KCNH7: variants seen among roughly 807,000 people sequenced by gnomAD.
The protein encoded by KCNH7 is potassium voltage-gated channel subfamily H member 7, also known as voltage-gated inwardly rectifying potassium channel KCNH7.
KCNH7 carries 49 observed loss-of-function variants against 120.8 expected under a neutral mutation model. The ratio of observed to expected loss-of-function variants is 0.41; its 90% CI spans 0.32 to 0.51. KCNH7 has a LOEUF of 0.51. Among genes scored for constraint, KCNH7 ranks in the 20% least tolerant of loss-of-function variants. The pLI is 0.38. For missense variants in KCNH7, 1,097 were observed against 1,446.6 expected (o/e 0.76, Z 3.92); for synonymous variants, 547 against 516.1 (o/e 1.06, Z -0.81).
chr2:162,718,040 C>G (rs992347214), intron 2 of KCNH7, among the ~76,000 whole-genome samples: 1 of 148,808 alleles, frequency 6.7e-6, no homozygotes, highest in Non-Finnish European at 1.5e-5. Context: ...CTCTCTCCCT[C>G]TCTCTCTCTT....
intron 15 of KCNH7, among the ~76,000 whole-genome samples, chr2:162,372,380 GAATTA>G (rs1444552377): frequency 6.6e-6 from 1 of 152,036 alleles, no homozygotes; most frequent in Admixed American, 6.6e-5. Flanking sequence ...TTTTCCAGAT[GAATTA>G]AATTCGAAAT....
intron 2 of KCNH7, among the ~76,000 whole-genome samples, chr2:162,571,214 A>G (rs1693461660): frequency 2.0e-5 from 3 of 152,122 alleles, no homozygotes; most frequent in Middle Eastern, 3.4e-3. Context: ...ATACAAAATC[A>G]ATGTACAAAA....
chr2:162,417,643 G>A (rs990634469), intron 9 of KCNH7, among the ~76,000 whole-genome samples: 4 of 152,092 alleles, frequency 2.6e-5, no homozygotes, highest in African/African-American at 9.7e-5. Flanking sequence ...AGGGCATACT[G>A]TCATTATTTT....
At chr2:162,516,437 C>A (rs1204142001) in intron 4 of KCNH7, among the ~76,000 whole-genome samples, 2 of 151,528 alleles carry the variant, frequency 1.3e-5, no homozygotes, top group Admixed American at 1.3e-4. Context: ...CAAGAAAACA[C>A]GTGTTACATT....
At chr2:162,422,929 C>T (rs1372633848) in intron 9 of KCNH7, among the ~76,000 whole-genome samples, 1 of 152,108 alleles carries the variant, frequency 6.6e-6, no homozygotes, top group Admixed American at 6.5e-5. Context: ...AGTGTGTTAA[C>T]CTGGGATCTC....
At chr2:162,431,029 A>G (rs548084960) in intron 8 of KCNH7, among the ~76,000 whole-genome samples, 1 of 152,150 alleles carries the variant, frequency 6.6e-6, no homozygotes, top group Non-Finnish European at 1.5e-5. Flanking sequence ...TTATCTGGTT[A>G]CTGTACTCTG....
At chr2:162,630,703 A>G (rs1201603994) in intron 2 of KCNH7, among the ~76,000 whole-genome samples, 1 of 152,114 alleles carries the variant, frequency 6.6e-6, no homozygotes. Context: ...CAGATTAGCA[A>G]TATTAATGTA....
intron 2 of KCNH7, among the ~76,000 whole-genome samples, chr2:162,752,504 T>C (rs1688586989): frequency 6.6e-6 from 1 of 152,144 alleles, no homozygotes; most frequent in Non-Finnish European, 1.5e-5. Context: ...TCAATTCATT[T>C]CCTATGAATT....
chr2:162,434,928 T>C (rs1450295962), intron 8 of KCNH7, among the ~76,000 whole-genome samples: 2 of 152,068 alleles, frequency 1.3e-5, no homozygotes, highest in African/African-American at 2.4e-5. Context: ...ACTCTTTGTA[T>C]AGCAGTAAAA....
intron 9 of KCNH7, among the ~76,000 whole-genome samples, chr2:162,416,435 T>C (rs1687544124): frequency 6.6e-6 from 1 of 151,906 alleles, no homozygotes; most frequent in Admixed American, 6.6e-5. Context: ...AGTTAGGCTC[T>C]GGGCTAAATC....
chr2:162,385,796 C>T (rs1686554945), intron 12 of KCNH7, among the ~76,000 whole-genome samples: 1 of 151,816 alleles, frequency 6.6e-6, no homozygotes, highest in South Asian at 2.1e-4. Context: ...CCACTCTACG[C>T]CTCAGTGTGC....
intron 9 of KCNH7, among the ~76,000 whole-genome samples, chr2:162,403,741 A>T (rs968185702): frequency 6.6e-6 from 1 of 151,962 alleles, no homozygotes; most frequent in Non-Finnish European, 1.5e-5. Context: ...CACATAGATC[A>T]CTGAAGTAAA....
chr2:162,489,465 G>A (rs991046866), intron 6 of KCNH7, among the ~76,000 whole-genome samples: 2 of 152,136 alleles, frequency 1.3e-5, no homozygotes, highest in Admixed American at 6.5e-5. Context: ...CCCACATGCA[G>A]CTCACGGGCT....
At chr2:162,752,908 G>GAAAAGAAAAGAAAAGAAAAGAAAAC (rs1559116078) in intron 2 of KCNH7, among the ~76,000 whole-genome samples, 1 of 35,968 alleles carries the variant, frequency 2.8e-5, no homozygotes, top group African/African-American at 1.3e-4. Flanking sequence ...CTCAGAAAAA[G>GAAAAGAAAAGAAAAGAAAAGAAAAC]AAAAGAAAAG....
At chr2:162,438,604 G>A (rs1278395033) in intron 7 of KCNH7, among the ~76,000 whole-genome samples, 1 of 152,102 alleles carries the variant, frequency 6.6e-6, no homozygotes, top group African/African-American at 2.4e-5. Context: ...ATAAGGATGA[G>A]TGAATATTGA....
chr2:162,546,419 A>C (rs578103492), intron 2 of KCNH7, among the ~76,000 whole-genome samples: 1 of 152,276 alleles, frequency 6.6e-6, no homozygotes, highest in African/African-American at 2.4e-5. Flanking sequence ...AGGCCCACCC[A>C]CTAAACTGCC....
At chr2:162,632,049 A>T (rs1683786169) in intron 2 of KCNH7, among the ~76,000 whole-genome samples, 2 of 152,044 alleles carry the variant, frequency 1.3e-5, no homozygotes, top group Non-Finnish European at 2.9e-5. Context: ...AAGATAAAAA[A>T]ATGAATGTAT....
chr2:162,829,826 C>CCCAG (rs1401433878), intron 2 of KCNH7, among the ~76,000 whole-genome samples: 5 of 149,516 alleles, frequency 3.3e-5, no homozygotes, highest in Admixed American at 6.7e-5. Flanking sequence ...CACACTTTCC[C>CCCAG]CCAGATCTTG....
At chr2:162,589,432 G>A (rs1024725537) in intron 2 of KCNH7, among the ~76,000 whole-genome samples, 12 of 151,982 alleles carry the variant, frequency 7.9e-5, no homozygotes, top group African/African-American at 2.9e-4. Context: ...TCATTATCAG[G>A]ATTAGTGAAT....
Sources: gnomAD v4.1 joint callset for allele counts (sites outside exome capture counted in the v4.1 genomes callset) on GRCh38, gnomAD v4.1.1 for gene constraint, MANE v1.5 for transcripts, NCBI Gene and HGNC (gene_info 2026-07-23, HGNC 2026-07-21) for gene names.